Variants in CIRSR observed in about 807,000 individuals in gnomAD.
The protein encoded by CIRSR is CBF1 (RBPJ) interacting corepressor 1.
the CIRSR span, among the ~76,000 whole-genome samples, chr2:174,359,861 C>T: frequency 6.6e-6 from 1 of 152,178 alleles, no homozygotes; most frequent in South Asian, 2.1e-4. Flanking sequence ...ACATCTACAC[C>T]ATGGAATACT....
At chr2:174,374,727 A>T in the CIRSR span, among the ~76,000 whole-genome samples, 2 of 152,198 alleles carry the variant, frequency 1.3e-5, no homozygotes, top group East Asian at 3.8e-4. Flanking sequence ...CTTAACCGCT[A>T]AGTACATGGC....
At chr2:174,383,738 A>C in the CIRSR span, among the ~76,000 whole-genome samples, 1 of 151,538 alleles carries the variant, frequency 6.6e-6, no homozygotes, top group African/African-American at 2.4e-5. Flanking sequence ...AAAAAAAAAA[A>C]AATCAAAATC....
the CIRSR span, among the ~76,000 whole-genome samples, chr2:174,353,502 C>CT: frequency 6.6e-6 from 1 of 152,118 alleles, no homozygotes; most frequent in Admixed American, 6.6e-5. Context: ...GAGTCTTGCT[C>CT]TGTTGCCCAG....
the CIRSR span, among the ~76,000 whole-genome samples, chr2:174,356,090 A>G: frequency 2.0e-5 from 3 of 152,020 alleles, no homozygotes; most frequent in Non-Finnish European, 4.4e-5. Flanking sequence ...TTTTCAAACA[A>G]TGCATTATCA....
the CIRSR span, among the ~76,000 whole-genome samples, chr2:174,368,034 C>T: frequency 1.3e-5 from 2 of 152,242 alleles, no homozygotes; most frequent in East Asian, 1.9e-4. Flanking sequence ...ACAACAATCC[C>T]ATGTGTACAT....
At chr2:174,395,607 C>G in the CIRSR span, 1 of 1,614,162 alleles carries the variant, frequency 6.2e-7, no homozygotes, top group Non-Finnish European at 8.5e-7. Context: ...ATGAAGTTGG[C>G]GAAGGATTTC....
the CIRSR span, among the ~76,000 whole-genome samples, chr2:174,370,801 C>T: frequency 6.6e-6 from 1 of 151,248 alleles, no homozygotes; most frequent in Non-Finnish European, 1.5e-5. Context: ...GTCCCAGCTA[C>T]TTGGGAGGCT....
the CIRSR span, among the ~76,000 whole-genome samples, chr2:174,390,483 T>G: frequency 1.3e-5 from 2 of 152,196 alleles, no homozygotes; most frequent in Admixed American, 1.3e-4. Flanking sequence ...GGCTCATAGG[T>G]GGAAGGGACT....
At chr2:174,394,896 A>T in the CIRSR span, among the ~76,000 whole-genome samples, 1 of 152,212 alleles carries the variant, frequency 6.6e-6, no homozygotes, top group Non-Finnish European at 1.5e-5. Context: ...AATTAAGTCA[A>T]TCATCCTTAA....
chr2:174,356,826 C>G, the CIRSR span, among the ~76,000 whole-genome samples: 3 of 152,028 alleles, frequency 2.0e-5, no homozygotes, highest in Admixed American at 6.6e-5. Context: ...TTTAATTTAA[C>G]TTTATACTAC....
At chr2:174,378,417 A>G in the CIRSR span, among the ~76,000 whole-genome samples, 1 of 152,240 alleles carries the variant, frequency 6.6e-6, no homozygotes, top group African/African-American at 2.4e-5. Flanking sequence ...CTTTAGAAAA[A>G]GAACCAAAAT....
chr2:174,380,892 A>G, the CIRSR span: 118 of 1,102,672 alleles, frequency 1.1e-4, no homozygotes, highest in Admixed American at 1.6e-3. Flanking sequence ...TACTGTATAC[A>G]CTATGATATC....
chr2:174,384,941 G>A, the CIRSR span, among the ~76,000 whole-genome samples: 1 of 151,966 alleles, frequency 6.6e-6, no homozygotes, highest in African/African-American at 2.4e-5. Flanking sequence ...TGGGCATGGC[G>A]GCTCATGCCT....
the CIRSR span, among the ~76,000 whole-genome samples, chr2:174,377,158 G>A: frequency 2.0e-5 from 3 of 152,098 alleles, no homozygotes; most frequent in African/African-American, 2.4e-5. Flanking sequence ...TATAAAGTTC[G>A]AGTGAAAGAA....
the CIRSR span, among the ~76,000 whole-genome samples, chr2:174,359,695 C>T: frequency 3.9e-5 from 6 of 152,082 alleles, no homozygotes; most frequent in East Asian, 1.9e-4. Context: ...TTTGACCCAG[C>T]GATTCCATTA....
chr2:174,367,171 T>C, the CIRSR span, among the ~76,000 whole-genome samples: 1 of 152,122 alleles, frequency 6.6e-6, no homozygotes, highest in African/African-American at 2.4e-5. Context: ...AGAGGCTGGG[T>C]GTGGTGGCTC....
At chr2:174,395,475 C>T in the CIRSR span, 3 of 1,390,444 alleles carry the variant, frequency 2.2e-6, no homozygotes, top group African/African-American at 1.4e-5. Flanking sequence ...TCAGAGACAC[C>T]ATCACTTTCA....
At chr2:174,390,625 A>G in the CIRSR span, among the ~76,000 whole-genome samples, 2 of 152,112 alleles carry the variant, frequency 1.3e-5, no homozygotes, top group African/African-American at 4.8e-5. Flanking sequence ...GCTGGGGTGG[A>G]ATGGTATGGT....
the CIRSR span, among the ~76,000 whole-genome samples, chr2:174,379,929 C>T: frequency 6.6e-6 from 1 of 151,502 alleles, no homozygotes; most frequent in Non-Finnish European, 1.5e-5. Flanking sequence ...TTCACCATGT[C>T]GGCCTGGCTG....
Sources: allele counts gnomAD v4.1 joint callset (sites outside exome capture counted in the v4.1 genomes callset), GRCh38; gene constraint gnomAD v4.1.1; transcripts MANE v1.5; gene names NCBI Gene and HGNC (gene_info 2026-07-23, HGNC 2026-07-21).